The following ABLIM2 variants were observed in gnomAD, a reference collection of about 807,000 sequenced individuals.
The protein encoded by ABLIM2 is actin-binding LIM protein 2.
In ABLIM2, 53 loss-of-function variants were observed where a neutral mutation model predicts 97.7. The ratio of observed to expected loss-of-function variants is 0.54; its 90% CI spans 0.44 to 0.68. The LOEUF is 0.68. ABLIM2 is among the 30% of genes least tolerant of loss of function. ABLIM2 has a pLI of 0.00. For synonymous variants in ABLIM2, 361 were observed against 345.8 expected (o/e 1.04, Z -0.49); for missense variants, 835 against 867.2 (o/e 0.96, Z 0.47).
chr4:8,029,605 A>T lies in ABLIM2; in HGVS notation c.1168+51T>A, dbSNP rs1045019489. 9.7e-6 allele frequency: 13 copies of T among 1,336,328 alleles called. 1 individual carries two copies. The South Asian group carries it at 2.8e-4, about 29-fold the overall frequency. The allele number at this position is 1,336,328 out of a possible 1,614,324, so 82.8% of individuals were successfully genotyped here. A position where few individuals can be genotyped will look rare whatever the true frequency, so the allele number is the denominator to read the frequency against. ...AAAAACTAAAAAAAAAAAAAAAAAA[A>T]AGGAAAAGGACAGCATCCTGGGGGC... On this transcript the variant is annotated intron_variant, in intron 11 of 20. Coordinates refer to ENST00000447017, the MANE Select transcript of ABLIM2 (RefSeq NM_001130083.2).
chr4:8,123,221 CT>C lies in ABLIM2; in HGVS notation c.11-16585del, dbSNP rs933265072. Among the ~76,000 whole-genome samples the C allele has an allele frequency of 1.3e-5, 2 of 152,196 alleles. No homozygotes were observed. Among genetic ancestry groups the C allele is most frequent in the Non-Finnish European group, 2.9e-5 (2 of 68,030 alleles). Reference sequence around the variant, plus strand: ...GCCCCTTACTTGGGGTCTCTAATCCCTGCCTGGCCCTCCCCTGTGCAGGCAT... The same window carrying C: ...GCCCCTTACTTGGGGTCTCTAATCCCGCCTGGCCCTCCCCTGTGCAGGCAT... On this transcript the variant is annotated intron_variant, in intron 1 of 20. Coordinates refer to ENST00000447017, the MANE Select transcript of ABLIM2 (RefSeq NM_001130083.2). The surrounding 1 kb of genome is among the most constrained non-coding windows in gnomAD (Gnocchi z 6.2).
chr4:8,134,329 G>C (rs901302617), intron 1 of ABLIM2, among the ~76,000 whole-genome samples: 1 of 152,130 alleles, frequency 6.6e-6, no homozygotes, highest in Non-Finnish European at 1.5e-5. Flanking sequence ...GCGTCTCCCT[G>C]TTGGGAGGTG....
intron 16 of ABLIM2, chr4:8,007,380 TA>T: frequency 1.0e-6 from 1 of 985,472 alleles, no homozygotes; most frequent in Non-Finnish European, 1.2e-6. Flanking sequence ...GCTTCGAAGC[TA>T]AGCCCAAGCC....
Position 8,054,126 on chromosome 4 carries a change from T to C in ABLIM2, c.822+62A>G. On this transcript the variant is annotated intron_variant, in intron 8 of 20. Transcript: ENST00000447017. This position sits in a 1 kb window ranked among gnomAD's most constrained non-coding sequence, Gnocchi z 4.9. ...AGAATCTGGTCAGTGTCCTCTTAAC[T>C]GTACAAAGATGGTGCAGGAGCAGTG... is the stretch of plus-strand genomic sequence containing the variant. 1.9e-6 allele frequency: 3 copies of C among 1,571,576 alleles called. No homozygotes were observed. The highest frequency in any genetic ancestry group is 2.6e-6 in the Non-Finnish European group (3 of 1,141,578).
intron 10 of ABLIM2, among the ~76,000 whole-genome samples, chr4:8,031,739 T>C (rs1312976834): frequency 2.0e-5 from 3 of 151,650 alleles, no homozygotes; most frequent in Non-Finnish European, 4.4e-5. Context: ...TTTTTTTTTT[T>C]TTTGAGATGG....
chr4:8,077,516 G>C (rs1301291667), intron 6 of ABLIM2, 112 bp downstream of exon 6: 4 of 1,077,624 alleles, frequency 3.7e-6, no homozygotes, highest in Non-Finnish European at 5.4e-6. Flanking sequence ...GGGAGGTGAA[G>C]CTGCAGCCAG....
intron 3 of ABLIM2, among the ~76,000 whole-genome samples, chr4:8,090,562 G>C (rs1245949757): frequency 6.7e-6 from 1 of 150,282 alleles, no homozygotes; most frequent in Admixed American, 6.6e-5. Context: ...TCATGATATG[G>C]AACATTCTTT....
intron 18 of ABLIM2, 54 bp from the exon 19 acceptor site, chr4:7,983,608 C>T (rs1577900022): frequency 6.2e-6 from 10 of 1,603,466 alleles, no homozygotes; most frequent in Admixed American, 3.4e-5. Context: ...TGCAAGATGT[C>T]GTCCAAGGTG....
chr4:8,037,268 A>G (rs893937577), intron 9 of ABLIM2, among the ~76,000 whole-genome samples: 4 of 152,032 alleles, frequency 2.6e-5, no homozygotes, highest in Non-Finnish European at 5.9e-5. Context: ...ACCTACACAT[A>G]CATGTGCACA....
intron 1 of ABLIM2, among the ~76,000 whole-genome samples, chr4:8,110,149 G>C (rs1466106397): frequency 6.6e-6 from 1 of 152,264 alleles, no homozygotes; most frequent in Admixed American, 6.5e-5. Context: ...GATGCACCCA[G>C]TCCACATCTG....
chr4:8,085,064 G>A lies in ABLIM2; in HGVS notation c.454+3105C>T, dbSNP rs139536926. 3.3e-5 allele frequency among the ~76,000 whole-genome samples: 5 copies of A among 152,322 alleles called. No individual in the cohort carries two copies. The highest frequency in any genetic ancestry group is 3.4e-3 in the Middle Eastern group (1 of 294). ...GGAAGCTGAGGCATGCGGGGTGTTC[G>A]CTGCTCCTTCTGGAAGAAGCCTGTG... On this transcript the variant is annotated intron_variant, in intron 4 of 20. Coordinates refer to ENST00000447017, the MANE Select transcript of ABLIM2 (RefSeq NM_001130083.2). This position sits in a 1 kb window ranked among gnomAD's most constrained non-coding sequence, Gnocchi z 6.1.
intron 1 of ABLIM2, among the ~76,000 whole-genome samples, chr4:8,111,707 A>G (rs548633945): frequency 6.6e-6 from 1 of 152,252 alleles, no homozygotes; most frequent in South Asian, 2.1e-4. Context: ...TGGGTGGGTT[A>G]CTGAGGTCAG....
rs1244123427 is a variant in ABLIM2 at position 8,112,471 on chromosome 4, T to A, written c.11-5834A>T. Among the ~76,000 whole-genome samples, 1 of 152,198 alleles carries A rather than the reference T, an allele frequency of 6.6e-6. No homozygotes were observed. Among genetic ancestry groups the A allele is most frequent in the African/African-American group, 2.4e-5 (1 of 41,454 alleles). ...CTGACAGGTGGCCGTGAACAGTAGC[T>A]GTTAGCTGAATCCTCTCCAAGGCTC... On this transcript the variant is annotated intron_variant, in intron 1 of 20. Transcript: ENST00000447017. The surrounding 1 kb of genome is among the most constrained non-coding windows in gnomAD (Gnocchi z 4.2).
chr4:8,145,286 C>G (rs1415083495), intron 1 of ABLIM2, among the ~76,000 whole-genome samples: 4 of 151,982 alleles, frequency 2.6e-5, no homozygotes, highest in Non-Finnish European at 5.9e-5. Context: ...CAGATTCAAG[C>G]AATTCTCCTG....
In ABLIM2 at chr4:8,127,479, A is replaced by G; in HGVS notation, c.11-20842T>C. ...GGAGCTCACAGCTCCCAGTCCCCTGAAGCTGACTCATGGAGCTCACGGCTC... is the reference window on the plus strand; with the variant it reads ...GGAGCTCACAGCTCCCAGTCCCCTGGAGCTGACTCATGGAGCTCACGGCTC... On this transcript the variant is annotated intron_variant, in intron 1 of 20. Coordinates refer to ENST00000447017, the MANE Select transcript of ABLIM2 (RefSeq NM_001130083.2). The surrounding 1 kb of genome is among the most constrained non-coding windows in gnomAD (Gnocchi z 7.3). 1 of 1,287,832 alleles carries G rather than the reference A, an allele frequency of 7.8e-7. No individual in the cohort carries two copies. Among genetic ancestry groups the G allele is most frequent in the Non-Finnish European group, 1.0e-6 (1 of 987,376 alleles). The allele number at this position is 1,287,832 out of a possible 1,614,324, so 79.8% of individuals were successfully genotyped here.
At chr4:8,024,708 G>A (rs1170301089) in intron 12 of ABLIM2, among the ~76,000 whole-genome samples, 2 of 152,216 alleles carry the variant, frequency 1.3e-5, no homozygotes, top group Admixed American at 6.5e-5. Context: ...ACGGGACCCC[G>A]GGTAGAAGCC....
chr4:8,141,689 C>G (rs955037475), intron 1 of ABLIM2, among the ~76,000 whole-genome samples: 1 of 152,190 alleles, frequency 6.6e-6, no homozygotes, highest in African/African-American at 2.4e-5. Context: ...CTCCTAGTAT[C>G]AGCCAGTTAT....
chr4:8,050,618 G>A (rs1266420293), intron 8 of ABLIM2, among the ~76,000 whole-genome samples: 1 of 152,234 alleles, frequency 6.6e-6, no homozygotes, highest in Non-Finnish European at 1.5e-5. Context: ...TGATGCTGCC[G>A]GGAGCCGGCC....
chr4:8,003,391 G>T lies in ABLIM2; in HGVS notation c.1618+4668C>A, dbSNP rs1471518141. Among the ~76,000 whole-genome samples, 1 of 152,050 alleles carries T rather than the reference G, an allele frequency of 6.6e-6. No homozygotes were observed. Among genetic ancestry groups the T allele is most frequent in the Admixed American group, 6.5e-5 (1 of 15,270 alleles). On this transcript the variant is annotated intron_variant, in intron 16 of 20. Transcript: ENST00000447017. This position sits in a 1 kb window ranked among gnomAD's most constrained non-coding sequence, Gnocchi z 4.2. Reference sequence around the variant, plus strand: ...GAGTGAGAAACAGAATGGGTGTGTGGATACTGGAGGGTGTGTGGGTACTGA... The same window carrying T: ...GAGTGAGAAACAGAATGGGTGTGTGTATACTGGAGGGTGTGTGGGTACTGA...
Sources: gnomAD v4.1 joint callset for allele counts (sites outside exome capture counted in the v4.1 genomes callset) on GRCh38, gnomAD v4.1.1 for gene constraint, Gnocchi (gnomAD v3.1) non-coding constraint, MANE v1.5 for transcripts, NCBI Gene and HGNC (gene_info 2026-07-23, HGNC 2026-07-21) for gene names.